The following EPHA5 variants were observed in gnomAD, a reference collection of about 807,000 sequenced individuals.
The protein encoded by EPHA5 is ephrin type-A receptor 5.
Under a neutral mutation model 105.0 loss-of-function variants are expected in EPHA5, and 60 were observed. That is an observed-to-expected ratio of 0.57 (90% CI 0.46 to 0.71). EPHA5 has a LOEUF of 0.71. EPHA5 is among the 30% of genes least tolerant of loss of function. The probability of loss-of-function intolerance (pLI) is 0.00; values close to 1 mark genes in which losing one functional copy is unlikely to be tolerated. For synonymous variants in EPHA5, 513 were observed against 449.1 expected, an observed-to-expected ratio of 1.14 and a Z score of -1.80; for missense variants, 1,218 against 1,274.7, an observed-to-expected ratio of 0.96 and a Z score of 0.68.
At chr4:65,421,157 A>T (rs528387155) in intron 5 of EPHA5, among the ~76,000 whole-genome samples, 3 of 152,064 alleles carry the variant, frequency 2.0e-5, no homozygotes, top group Non-Finnish European at 4.4e-5. Context: ...AATCATAATC[A>T]CTTCTGGTGA....
intron 14 of EPHA5, among the ~76,000 whole-genome samples, chr4:65,341,516 GC>G (rs1721718243): frequency 2.0e-5 from 3 of 150,924 alleles, no homozygotes; most frequent in Admixed American, 1.3e-4. Flanking sequence ...ACATATGAAT[GC>G]CACCCTATAG....
At chr4:65,613,384 A>G (rs763519920) in intron 2 of EPHA5, among the ~76,000 whole-genome samples, 2 of 152,072 alleles carry the variant, frequency 1.3e-5, no homozygotes, top group Non-Finnish European at 2.9e-5. Context: ...TATAAACTAT[A>G]TAATTTTTTG....
At chr4:65,486,420 A>T (rs897141817) in intron 5 of EPHA5, among the ~76,000 whole-genome samples, 1 of 152,140 alleles carries the variant, frequency 6.6e-6, no homozygotes, top group African/African-American at 2.4e-5. Context: ...GTCTATTTTC[A>T]GTCACCACAG....
At chr4:65,604,373 T>C (rs1578554071) in intron 2 of EPHA5, among the ~76,000 whole-genome samples, 3 of 152,288 alleles carry the variant, frequency 2.0e-5, no homozygotes. Flanking sequence ...ATATTCTCAG[T>C]TAAGAAGATG....
intron 5 of EPHA5, among the ~76,000 whole-genome samples, chr4:65,468,338 G>A (rs578049327): frequency 5.9e-5 from 9 of 151,406 alleles, no homozygotes; most frequent in African/African-American, 1.9e-4. Flanking sequence ...GGAATAAAAT[G>A]TCACAATATA....
At chr4:65,496,414 A>G (rs1176957298) in intron 3 of EPHA5, among the ~76,000 whole-genome samples, 2 of 132,576 alleles carry the variant, frequency 1.5e-5, no homozygotes, top group African/African-American at 2.9e-5. Context: ...AGAGTGTGAT[A>G]TTCCCCTTCC....
chr4:65,540,807 T>C (rs762250164), intron 3 of EPHA5, among the ~76,000 whole-genome samples: 1 of 150,324 alleles, frequency 6.7e-6, no homozygotes, highest in Non-Finnish European at 1.5e-5. Flanking sequence ...TTTAATGGTA[T>C]GAGTTTCAGA....
chr4:65,388,182 G>C (rs1720322269), intron 8 of EPHA5, among the ~76,000 whole-genome samples: 1 of 149,024 alleles, frequency 6.7e-6, no homozygotes, highest in East Asian at 2.0e-4. Context: ...ATTCCATGGT[G>C]TATATGTGCC....
At chr4:65,620,977 C>T (rs1434882413) in intron 2 of EPHA5, among the ~76,000 whole-genome samples, 1 of 152,120 alleles carries the variant, frequency 6.6e-6, no homozygotes, top group Non-Finnish European at 1.5e-5. Flanking sequence ...TGCTTCAATA[C>T]TTCCAGGTAT....
At chr4:65,511,482 T>C (rs1733624259) in intron 3 of EPHA5, among the ~76,000 whole-genome samples, 1 of 152,164 alleles carries the variant, frequency 6.6e-6, no homozygotes, top group Admixed American at 6.5e-5. Flanking sequence ...TGGGACTACA[T>C]CAAATATATT....
intron 3 of EPHA5, among the ~76,000 whole-genome samples, chr4:65,600,867 G>C (rs796366596): frequency 4.6e-5 from 7 of 151,842 alleles, no homozygotes; most frequent in African/African-American, 1.7e-4. Context: ...CAGTTTAAAC[G>C]GCCAACTCAC....
intron 3 of EPHA5, chr4:65,573,644 G>A (rs1226004238): frequency 2.5e-6 from 4 of 1,601,294 alleles, no homozygotes; most frequent in South Asian, 1.1e-5. Context: ...GATCTGCCAT[G>A]TATTCCAGAA....
chr4:65,345,425 T>C (rs1722119019), intron 14 of EPHA5, among the ~76,000 whole-genome samples: 1 of 152,224 alleles, frequency 6.6e-6, no homozygotes, highest in African/African-American at 2.4e-5. Flanking sequence ...GCTTTTCTTC[T>C]GGGGAAATTT....
intron 11 of EPHA5, among the ~76,000 whole-genome samples, chr4:65,359,057 A>G (rs73822120): frequency 0.015 from 2,220 of 151,756 alleles, 50 homozygotes; most frequent in African/African-American, 0.05. Flanking sequence ...TGTATTAACA[A>G]TGAAAATAAC....
At chr4:65,644,001 G>A (rs1747898834) in intron 1 of EPHA5, among the ~76,000 whole-genome samples, 1 of 151,990 alleles carries the variant, frequency 6.6e-6, no homozygotes, top group Admixed American at 6.6e-5. Flanking sequence ...CAAGGAAATT[G>A]TAGCAGTTCT....
At chr4:65,484,486 C>T (rs563637029) in intron 5 of EPHA5, among the ~76,000 whole-genome samples, 2 of 152,166 alleles carry the variant, frequency 1.3e-5, no homozygotes, top group South Asian at 4.1e-4. Context: ...TGGAACATGC[C>T]CTCCAAGGTA....
intron 3 of EPHA5, among the ~76,000 whole-genome samples, chr4:65,594,719 TAACCATTGTCA>T (rs1395261319): frequency 2.6e-5 from 4 of 152,062 alleles, no homozygotes; most frequent in African/African-American, 9.6e-5. Context: ...CACTAGTTAT[TAACCATTGTCA>T]AACCAATGAA....
rs574424479 is a variant in EPHA5, at chr4:65,654,954, A to C, written c.182-11527T>G. ...AAGCTTTGATATATGTATATATATC[A>C]AAGCATATACCTTGAGGATCAGTTT... is the stretch of plus-strand genomic sequence containing the variant. On this transcript the variant is annotated intron_variant, in intron 1 of 16. Coordinates refer to ENST00000613740, the MANE Select transcript of EPHA5 (RefSeq NM_001281766.3). Among the ~76,000 whole-genome samples the C allele has an allele frequency of 2.0e-5, 3 of 149,088 alleles. No homozygotes were observed. The South Asian group carries it at 6.3e-4, about 31-fold the overall frequency.
At chr4:65,353,392 T>C (rs1723014643) in intron 11 of EPHA5, among the ~76,000 whole-genome samples, 1 of 149,984 alleles carries the variant, frequency 6.7e-6, no homozygotes, top group African/African-American at 2.4e-5. Context: ...TATTTAAAAA[T>C]GTCCTCTTTA....
Sources: gnomAD v4.1 joint callset for allele counts (sites outside exome capture counted in the v4.1 genomes callset) on GRCh38, gnomAD v4.1.1 for gene constraint, MANE v1.5 for transcripts, NCBI Gene and HGNC (gene_info 2026-07-23, HGNC 2026-07-21) for gene names.